The following ZBTB46 variants were observed in gnomAD, a reference collection of about 807,000 sequenced individuals.
ZBTB46 encodes the protein zinc finger and BTB domain containing 46, also known as zinc finger and BTB domain-containing protein 46.
In ZBTB46, 8 loss-of-function variants were observed where a neutral mutation model predicts 44.1. The ratio of observed to expected loss-of-function variants is 0.18; its 90% CI spans 0.11 to 0.33. ZBTB46 has a LOEUF of 0.33. Ranked by LOEUF, ZBTB46 falls within the 10% of genes least tolerant of loss-of-function variation. The pLI is 1.00. For synonymous variants in ZBTB46, 409 were observed against 382.3 expected (o/e 1.07, Z -0.81); for missense variants, 651 against 847.7 (o/e 0.77, Z 2.88).
intron 3 of ZBTB46, among the ~76,000 whole-genome samples, chr20:63,774,977 G>A (rs542313539): frequency 2.0e-5 from 3 of 152,046 alleles, no homozygotes; most frequent in Admixed American, 6.6e-5. Context: ...TGCTGGGATT[G>A]CAGGCGTGAG....
In ZBTB46 at chr20:63,745,987, G is replaced by A. The variant is rs2092084936; in HGVS notation, c.*943C>T. ...ATGTCTCTGACTACTTAAAAATTTG[G>A]TTACCCACGCGGGGAGGTGTAAGCA... On this transcript the variant is annotated 3_prime_UTR_variant, in exon 5 of 5. Transcript: ENST00000245663. The A allele has an allele frequency of 6.5e-6, 1 of 152,682 alleles. No individual in the cohort carries two copies. The highest frequency in any genetic ancestry group is 1.5e-5 in the Non-Finnish European group (1 of 68,044). 9.5% of individuals were successfully genotyped at this position (152,682 alleles called of 1,614,324 possible).
intron 1 of ZBTB46, among the ~76,000 whole-genome samples, chr20:63,827,533 G>C (rs796856408): frequency 1.7e-3 from 251 of 151,334 alleles, no homozygotes; most frequent in African/African-American, 5.8e-3. Flanking sequence ...GCGTGAACCC[G>C]GGAAGCGGAG....
intron 1 of ZBTB46, among the ~76,000 whole-genome samples, chr20:63,820,519 T>TCC (rs1178335592): frequency 6.6e-6 from 1 of 151,256 alleles, no homozygotes; most frequent in African/African-American, 2.4e-5. Context: ...TCACACAACC[T>TCC]CCACCTCCCC....
At chr20:63,775,648 A>C (rs750975229) in intron 3 of ZBTB46, 30 bp downstream of exon 3, 5 of 1,527,268 alleles carry the variant, frequency 3.3e-6, no homozygotes, top group Admixed American at 2.1e-5. Context: ...ACCACACCAA[A>C]GCCAAGCGGC....
At chr20:63,830,547 C>T (rs2092843957) in intron 1 of ZBTB46, among the ~76,000 whole-genome samples, 2 of 150,438 alleles carry the variant, frequency 1.3e-5, no homozygotes, top group South Asian at 4.1e-4. Flanking sequence ...CGGGACCCGC[C>T]CGCGCCCACC....
At chr20:63,816,049 C>G (rs1191860425) in intron 1 of ZBTB46, among the ~76,000 whole-genome samples, 1 of 141,146 alleles carries the variant, frequency 7.1e-6, no homozygotes. Context: ...GCGGTGGGTG[C>G]AGGTGCGGTG....
At chr20:63,759,834 C>T (rs1315962694) in intron 3 of ZBTB46, among the ~76,000 whole-genome samples, 2 of 152,098 alleles carry the variant, frequency 1.3e-5, no homozygotes, top group Non-Finnish European at 2.9e-5. Context: ...TCCAATTTGC[C>T]GATTCTTATC....
At chr20:63,795,836 A>G (rs555276882) in intron 1 of ZBTB46, among the ~76,000 whole-genome samples, 1 of 152,324 alleles carries the variant, frequency 6.6e-6, no homozygotes, top group Admixed American at 6.5e-5. Context: ...CCGAATGCGC[A>G]TAGGAACGGC....
At chr20:63,773,594 G>A (rs780753261) in intron 3 of ZBTB46, among the ~76,000 whole-genome samples, 5 of 152,086 alleles carry the variant, frequency 3.3e-5, no homozygotes, top group Admixed American at 2.0e-4. Flanking sequence ...AAAGGCGCTC[G>A]GAGGGGAGGG....
rs1178612490 is a variant in ZBTB46 at position 63,747,170 on chromosome 20, G to A, written c.1530C>T (p.Ala510=). 17 of 1,609,544 alleles carry A rather than the reference G, an allele frequency of 1.1e-5. No individual in the cohort carries two copies. The highest frequency in any genetic ancestry group is 1.7e-4 in the Middle Eastern group (1 of 5,952). The stretch of plus-strand genomic sequence containing the variant: ...CTCCGCCGCCATGGTCCAGGGGCCC[G>A]GCCATGCCGCGGCCAGCACAGTCGG... ...VCTDCAGRGM[A]GPLDHGGGGG... is the part of the protein sequence containing the mutation. The change falls in exon 5 of 5, where the codon GCC becomes GCT. Residue 510 remains alanine (A), a synonymous_variant. Coordinates refer to ENST00000245663, the MANE Select transcript of ZBTB46 (RefSeq NM_001369741.1).
At chr20:63,747,497 GTT>G (rs1568823955) in intron 4 of ZBTB46, among the ~76,000 whole-genome samples, 196 bp from the exon 5 acceptor site, 1 of 52,674 alleles carries the variant, frequency 1.9e-5, no homozygotes, top group Non-Finnish European at 4.4e-5. Flanking sequence ...CCCGGTGGAG[GTT>G]GGGAGGGGGG....
rs200624508 is a variant in ZBTB46, at chr20:63,746,982, C to T, written c.1718G>A (p.Arg573Gln). ...ADDKDEEDSP[R>Q]PRSPPGGPDK... ...AGGGCCTCCTGGGGGGCTGCGCGGC[C>T]GCGGCGAGTCTTCCTCATCCTTGTC... The change falls in exon 5 of 5, where the codon CGG becomes CAG. Residue 573 changes from arginine to glutamine, a missense_variant. Arg to Gln is a conservative substitution (Grantham distance 43). Around this residue, in one of 5 missense-constraint regions of ZBTB46, gnomAD observed 106 missense variants for 81.0 expected, o/e 1.31. Transcript: ENST00000245663. 3.7e-4 allele frequency: 591 copies of T among 1,605,090 alleles called. 2 individuals carry two copies. The highest frequency in any genetic ancestry group is 8.7e-4 in the Admixed American group (52 of 59,778).
rs971252476 is a variant in ZBTB46 at position 63,761,311 on chromosome 20, T to C, written c.1223-8450A>G. 1.1e-3 allele frequency among the ~76,000 whole-genome samples: 168 copies of C among 152,190 alleles called. 1 individual carries two copies. The highest frequency in any genetic ancestry group is 3.9e-3 in the African/African-American group (163 of 41,540). ...ACCACACTCACCCTGATATCTATTC[T>C]TTATTTCCCTTCTGTTACTTTCTTT... On this transcript the variant is annotated intron_variant, in intron 3 of 4. Coordinates refer to ENST00000245663, the MANE Select transcript of ZBTB46 (RefSeq NM_001369741.1).
At position 63,790,482 on chromosome 20, in the gene ZBTB46, T is replaced by C. The variant is rs1396943798; in HGVS notation, c.276A>G (p.Ser92=). 3 of 1,613,496 alleles carry C rather than the reference T, an allele frequency of 1.9e-6. No homozygotes were observed. The highest frequency in any genetic ancestry group is 1.1e-5 in the South Asian group (1 of 91,082). The part of the protein sequence containing the change: ...GFKAIIDFMY[S]AHLALTSRNV... ...TCCTGCTGGTGAGCGCCAGGTGCGC[T>C]GAGTACATGAAGTCGATGATGGCCT... Residue 92 remains serine, a synonymous_variant, in exon 2 of 5, where the codon TCA becomes TCG. Transcript: ENST00000245663.
intron 3 of ZBTB46, chr20:63,769,518 A>T: frequency 1.1e-6 from 1 of 899,540 alleles, no homozygotes; most frequent in Non-Finnish European, 1.3e-6. Context: ...GTCTCGCTGG[A>T]GGCAGGTGTT....
intron 4 of ZBTB46, among the ~76,000 whole-genome samples, chr20:63,747,577 G>A (rs574913705): frequency 1.3e-5 from 2 of 148,324 alleles, no homozygotes; most frequent in East Asian, 2.0e-4. Context: ...TTGGGGTTGG[G>A]GGGGCACAGC....
Position 63,788,841 on chromosome 20 carries a change from T to C in ZBTB46, c.937+980A>G, listed in dbSNP as rs2092536752. Among the ~76,000 whole-genome samples the C allele has an allele frequency of 5.3e-5, 8 of 151,098 alleles. No homozygotes were observed. The South Asian group carries it at 1.7e-3, about 32-fold the overall frequency. On this transcript the variant is annotated intron_variant, in intron 2 of 4. Transcript: ENST00000245663. Reference sequence around the variant, plus strand: ...GCAACACGGTGAGACTGTCTCTTTTTTTTTTTTTTTTGAGATGGAGTTTCG... The same window carrying C: ...GCAACACGGTGAGACTGTCTCTTTTCTTTTTTTTTTTGAGATGGAGTTTCG...
At chr20:63,792,734 T>C (rs2092571331) in intron 1 of ZBTB46, among the ~76,000 whole-genome samples, 1 of 152,088 alleles carries the variant, frequency 6.6e-6, no homozygotes, top group South Asian at 2.1e-4. Context: ...GCCAGGCTGG[T>C]TTCAAACTCC....
At chr20:63,748,054 C>T (rs1280859133) in intron 4 of ZBTB46, among the ~76,000 whole-genome samples, 1 of 151,164 alleles carries the variant, frequency 6.6e-6, no homozygotes, top group Admixed American at 6.6e-5. Context: ...TGGACACCCC[C>T]TCAGCCCCTG....
Sources: allele counts gnomAD v4.1 joint callset (sites outside exome capture counted in the v4.1 genomes callset), GRCh38; gene constraint gnomAD v4.1.1; regional missense constraint gnomAD v4.1.1; transcripts MANE v1.5; gene names NCBI Gene and HGNC (gene_info 2026-07-23, HGNC 2026-07-21).